MYO9A: variants seen among roughly 807,000 people sequenced by gnomAD.
MYO9A encodes the protein unconventional myosin-IXa.
MYO9A carries 103 observed loss-of-function variants against 293.3 expected under a neutral mutation model. The observed-to-expected ratio is 0.35, with a 90% CI of 0.30 to 0.41. The LOEUF (loss-of-function observed/expected upper bound fraction) is 0.41, where lower values mean the gene tolerates loss of function less well. MYO9A is among the 10% of genes least tolerant of loss of function. The probability of loss-of-function intolerance (pLI) is 1.00; values close to 1 mark genes in which losing one functional copy is unlikely to be tolerated. For missense variants in MYO9A, 2,685 were observed against 3,033.0 expected (o/e 0.89, Z 2.69); for synonymous variants, 1,001 against 1,035.7 (o/e 0.97, Z 0.64).
chr15:72,043,712 G>A (rs1004618337), intron 2 of MYO9A, among the ~76,000 whole-genome samples: 8 of 152,112 alleles, frequency 5.3e-5, no homozygotes, highest in African/African-American at 1.9e-4. Flanking sequence ...GTGAAAGAGG[G>A]ATTACAAAGA....
intron 14 of MYO9A, among the ~76,000 whole-genome samples, chr15:71,957,824 T>C (rs916828946): frequency 6.6e-6 from 1 of 152,202 alleles, no homozygotes. Context: ...TGTTCACGTC[T>C]CATCCTGATG....
intron 32 of MYO9A, among the ~76,000 whole-genome samples, chr15:71,874,238 A>G (rs2056609759): frequency 6.6e-6 from 1 of 152,222 alleles, no homozygotes; most frequent in Non-Finnish European, 1.5e-5. Context: ...AGAGGGGATG[A>G]TTTATAATCC....
chr15:72,084,170 C>T (rs2925650), intron 1 of MYO9A, among the ~76,000 whole-genome samples: 149,864 of 152,310 alleles, frequency 0.98, 73,782 homozygotes, highest in East Asian at 1. Flanking sequence ...TGAATCTGGG[C>T]GCTCCTGTGT....
chr15:72,057,933 C>G (rs114769459), intron 1 of MYO9A, among the ~76,000 whole-genome samples: 1 of 152,082 alleles, frequency 6.6e-6, no homozygotes, highest in East Asian at 1.9e-4. Flanking sequence ...TCAAAAGAAC[C>G]CATTATAATG....
At chr15:71,893,307 C>G in intron 26 of MYO9A, 2 of 646,166 alleles carry the variant, frequency 3.1e-6, no homozygotes, top group South Asian at 3.8e-5. Context: ...CAACCATGCC[C>G]TTTCCACTAG....
At chr15:71,913,586 AT>A (rs368326231) in intron 19 of MYO9A, among the ~76,000 whole-genome samples, 247 of 151,118 alleles carry the variant, frequency 1.6e-3, no homozygotes, top group African/African-American at 4.7e-3. Flanking sequence ...CTGATTATTG[AT>A]TTTTTTTTCC....
At position 72,045,861 on chromosome 15, in the gene MYO9A, T is replaced by C. The variant is rs747752232; in HGVS notation, c.703A>G (p.Ile235Val). Residue 235 changes from isoleucine to valine, a missense_variant, in exon 2 of 42, where the codon ATC becomes GTC. Coordinates refer to ENST00000356056, the MANE Select transcript of MYO9A (RefSeq NM_006901.4). ...GAACCACTCTCTCCTGAAATCACGATGCACTGATTCTTTTTGCGCTGAAGC... is the reference window on the plus strand; with the variant it reads ...GAACCACTCTCTCCTGAAATCACGACGCACTGATTCTTTTTGCGCTGAAGC... The part of the protein sequence containing the change: ...AMLQRKKNQC[I>V]VISGESGSGK... 7 of 1,614,178 alleles carry C rather than the reference T, an allele frequency of 4.3e-6. No homozygotes were observed. Among genetic ancestry groups the C allele is most frequent in the South Asian group, 3.3e-5 (3 of 91,084 alleles).
At chr15:71,973,047 A>G (rs2076053534) in intron 12 of MYO9A, among the ~76,000 whole-genome samples, 1 of 152,206 alleles carries the variant, frequency 6.6e-6, no homozygotes. Context: ...ATGAAATTTA[A>G]AGAGAGTACT....
chr15:72,106,754 T>C (rs2080583930), intron 1 of MYO9A, among the ~76,000 whole-genome samples: 1 of 152,110 alleles, frequency 6.6e-6, no homozygotes, highest in Non-Finnish European at 1.5e-5. Context: ...GCGTGAGCCA[T>C]AGCACCCAGC....
chr15:71,883,267 T>C (rs995809606), intron 28 of MYO9A, among the ~76,000 whole-genome samples: 1 of 152,126 alleles, frequency 6.6e-6, no homozygotes, highest in African/African-American at 2.4e-5. Flanking sequence ...TAGCTGCTAT[T>C]AGTTATAACC....
At chr15:71,944,923 G>A (rs2058875000) in intron 15 of MYO9A, among the ~76,000 whole-genome samples, 1 of 152,090 alleles carries the variant, frequency 6.6e-6, no homozygotes, top group African/African-American at 2.4e-5. Flanking sequence ...ATCTGAGAGA[G>A]AGCTGCATCT....
At chr15:72,074,951 C>CTTTTTTTTTTTTTTT (rs750462703) in intron 1 of MYO9A, among the ~76,000 whole-genome samples, 4 of 53,130 alleles carry the variant, frequency 7.5e-5, no homozygotes, top group African/African-American at 7.3e-5. Flanking sequence ...TTTTCACTGC[C>CTTTTTTTTTTTTTTT]TTTTTTTTTT....
chr15:72,106,703 C>T (rs1187632925), intron 1 of MYO9A, among the ~76,000 whole-genome samples: 1 of 152,030 alleles, frequency 6.6e-6, no homozygotes, highest in African/African-American at 2.4e-5. Flanking sequence ...TGGGCTCAAG[C>T]AAACCTCCCA....
At chr15:71,990,754 C>CAAAA (rs11422716) in intron 11 of MYO9A, among the ~76,000 whole-genome samples, 1 of 129,370 alleles carries the variant, frequency 7.7e-6, no homozygotes, top group Admixed American at 7.8e-5. Flanking sequence ...GAGACTCAGT[C>CAAAA]AAAAAAAAAA....
At chr15:72,011,562 G>T (rs550603718) in intron 6 of MYO9A, among the ~76,000 whole-genome samples, 1 of 151,746 alleles carries the variant, frequency 6.6e-6, no homozygotes, top group South Asian at 2.1e-4. Flanking sequence ...AGGAGTTTGA[G>T]ACCAGCCTGG....
At chr15:71,964,211 G>A (rs1203970792) in intron 13 of MYO9A, among the ~76,000 whole-genome samples, 1 of 151,954 alleles carries the variant, frequency 6.6e-6, no homozygotes, top group Non-Finnish European at 1.5e-5. Context: ...ATCTTCTCAA[G>A]GAACTAACTT....
intron 32 of MYO9A, among the ~76,000 whole-genome samples, chr15:71,873,678 C>A (rs2056593675): frequency 6.6e-6 from 1 of 152,092 alleles, no homozygotes; most frequent in Non-Finnish European, 1.5e-5. Flanking sequence ...AATTTGACTG[C>A]TAATAAACAT....
chr15:72,047,804 G>A (rs1314330283), intron 1 of MYO9A, among the ~76,000 whole-genome samples: 2 of 75,050 alleles, frequency 2.7e-5, no homozygotes, highest in African/African-American at 1.1e-4. Flanking sequence ...TTGAGACAGG[G>A]TCTTGTTCTG....
intron 1 of MYO9A, among the ~76,000 whole-genome samples, chr15:72,090,719 G>T (rs1022032492): frequency 6.6e-6 from 1 of 152,080 alleles, no homozygotes; most frequent in African/African-American, 2.4e-5. Context: ...ACAGTGAGGG[G>T]TTCAGATCCT....
Sources: gnomAD v4.1 joint callset for allele counts (sites outside exome capture counted in the v4.1 genomes callset) on GRCh38, gnomAD v4.1.1 for gene constraint, MANE v1.5 for transcripts, NCBI Gene and HGNC (gene_info 2026-07-23, HGNC 2026-07-21) for gene names.